Variants in SORCS3 observed in about 807,000 individuals in gnomAD.
SORCS3 encodes sortilin related VPS10 domain containing receptor 3, also known as VPS10 domain-containing receptor SorCS3.
A neutral mutation model predicts 146.3 loss-of-function variants in SORCS3; 57 were observed. That is an observed-to-expected ratio of 0.39 (90% CI 0.31 to 0.49). The LOEUF is 0.49. SORCS3 is among the 20% of genes least tolerant of loss of function. The pLI is 0.92. For synonymous variants in SORCS3, 653 were observed against 618.5 expected (o/e 1.06, Z -0.83); for missense variants, 1,341 against 1,575.5 (o/e 0.85, Z 2.52).
chr10:105,137,187 T>C (rs1445920911), intron 7 of SORCS3, among the ~76,000 whole-genome samples: 1 of 152,154 alleles, frequency 6.6e-6, no homozygotes, highest in Non-Finnish European at 1.5e-5. Flanking sequence ...ATTGATGATC[T>C]CTGGCCAGCA....
intron 22 of SORCS3, among the ~76,000 whole-genome samples, chr10:105,250,723 A>G (rs1228534387): frequency 6.6e-6 from 1 of 152,182 alleles, no homozygotes; most frequent in African/African-American, 2.4e-5. Flanking sequence ...CTTGGGCATT[A>G]GGACTTAATG....
At chr10:104,756,718 A>G (rs528388450) in intron 1 of SORCS3, among the ~76,000 whole-genome samples, 1 of 152,316 alleles carries the variant, frequency 6.6e-6, no homozygotes, top group Non-Finnish European at 1.5e-5. Context: ...CTCAGATGGC[A>G]CCGATCCTCA....
chr10:104,825,724 T>G (rs1306919529), intron 1 of SORCS3, among the ~76,000 whole-genome samples: 2 of 152,198 alleles, frequency 1.3e-5, no homozygotes. Flanking sequence ...TGTGTGGTCA[T>G]TTAGCCCCAC....
At chr10:104,846,661 A>T (rs1679675082) in intron 2 of SORCS3, among the ~76,000 whole-genome samples, 1 of 152,222 alleles carries the variant, frequency 6.6e-6, no homozygotes, top group African/African-American at 2.4e-5. Context: ...CCCTTGTGAC[A>T]TTCTTTCCAG....
At chr10:104,752,080 G>A (rs2016994852) in intron 1 of SORCS3, among the ~76,000 whole-genome samples, 1 of 150,552 alleles carries the variant, frequency 6.6e-6, no homozygotes, top group Non-Finnish European at 1.5e-5. Flanking sequence ...TGTCACCCAG[G>A]CTGGGGTGCA....
At chr10:104,859,669 T>C (rs1267873360) in intron 2 of SORCS3, among the ~76,000 whole-genome samples, 2 of 152,080 alleles carry the variant, frequency 1.3e-5, no homozygotes, top group Non-Finnish European at 2.9e-5. Context: ...AACCTACTCA[T>C]CTCTCAAAGG....
intron 1 of SORCS3, among the ~76,000 whole-genome samples, chr10:104,823,899 G>A (rs1302710375): frequency 3.9e-5 from 6 of 152,182 alleles, no homozygotes; most frequent in African/African-American, 1.4e-4. Context: ...CCTTAAATGG[G>A]GAAGAGGGAG....
chr10:104,643,574 G>T (rs944744443), intron 1 of SORCS3, among the ~76,000 whole-genome samples: 9 of 152,180 alleles, frequency 5.9e-5, no homozygotes, highest in African/African-American at 2.2e-4. Context: ...TGCAGGGCTG[G>T]GTGATTGAAG....
intron 5 of SORCS3, among the ~76,000 whole-genome samples, chr10:105,057,239 G>A (rs2055451417): frequency 6.6e-6 from 1 of 152,112 alleles, no homozygotes; most frequent in Admixed American, 6.6e-5. Flanking sequence ...GCTCCAGCCA[G>A]AAGTACTCAG....
intron 3 of SORCS3, among the ~76,000 whole-genome samples, chr10:104,943,253 C>T (rs1375424818): frequency 1.3e-5 from 2 of 152,126 alleles, no homozygotes; most frequent in Non-Finnish European, 2.9e-5. Flanking sequence ...CCTCAGCCTC[C>T]TGAGTAGCTG....
intron 3 of SORCS3, among the ~76,000 whole-genome samples, chr10:104,928,475 G>A (rs1370796291): frequency 1.3e-5 from 2 of 152,090 alleles, no homozygotes; most frequent in Non-Finnish European, 2.9e-5. Context: ...CTGCCCCTGA[G>A]GTAGAGATAT....
At chr10:105,090,093 T>C (rs2055691892) in intron 6 of SORCS3, among the ~76,000 whole-genome samples, 1 of 152,180 alleles carries the variant, frequency 6.6e-6, no homozygotes. Flanking sequence ...TGTTTGTAAT[T>C]TCTTTGGCAT....
intron 5 of SORCS3, among the ~76,000 whole-genome samples, chr10:105,055,194 A>T (rs1249524455): frequency 6.6e-6 from 1 of 152,196 alleles, no homozygotes. Context: ...TATTGTAAGT[A>T]AAGACATGTT....
At chr10:105,036,616 C>G (rs1232102834) in intron 4 of SORCS3, among the ~76,000 whole-genome samples, 1 of 152,154 alleles carries the variant, frequency 6.6e-6, no homozygotes, top group East Asian at 1.9e-4. Flanking sequence ...CACCAGTTAT[C>G]AAGATCTGTT....
At chr10:105,098,232 A>C (rs1258701092) in intron 6 of SORCS3, among the ~76,000 whole-genome samples, 18 of 152,178 alleles carry the variant, frequency 1.2e-4, no homozygotes, top group Non-Finnish European at 1.5e-5. Flanking sequence ...GTGGGGGCTA[A>C]AGGCAATGGG....
intron 19 of SORCS3, among the ~76,000 whole-genome samples, chr10:105,220,429 T>C (rs897840885): frequency 2.0e-5 from 3 of 152,168 alleles, no homozygotes; most frequent in African/African-American, 7.2e-5. Flanking sequence ...CACTGTCAGC[T>C]TTCACTGAGC....
intron 1 of SORCS3, among the ~76,000 whole-genome samples, chr10:104,647,436 G>A (rs1426845768): frequency 6.6e-6 from 1 of 152,170 alleles, no homozygotes; most frequent in African/African-American, 2.4e-5. Context: ...CTTGTTTATA[G>A]AATTTGCAGA....
At position 104,642,176 on chromosome 10, in the gene SORCS3, C is replaced by A. The variant is rs148104880; in HGVS notation, c.627+222C>A. Among the ~76,000 whole-genome samples the A allele has an allele frequency of 2.2e-4, 33 of 152,158 alleles. No homozygotes were observed. The East Asian group carries it at 4.5e-3, about 21-fold the overall frequency. The stretch of plus-strand genomic sequence containing the variant: ...TTTGTTTACTGGAGACCCTAGGCTT[C>A]GGCCGCCGGGAGGGGAGTGGAGGAA... On this transcript the variant is annotated intron_variant, in intron 1 of 26. Coordinates refer to ENST00000369701, the MANE Select transcript of SORCS3 (RefSeq NM_014978.3).
At chr10:105,098,964 G>T (rs1333697263) in intron 6 of SORCS3, among the ~76,000 whole-genome samples, 1 of 152,224 alleles carries the variant, frequency 6.6e-6, no homozygotes, top group Non-Finnish European at 1.5e-5. Context: ...TCTCCTATGG[G>T]AGATGAGAAG....
Sources: allele counts gnomAD v4.1 joint callset (sites outside exome capture counted in the v4.1 genomes callset), GRCh38; gene constraint gnomAD v4.1.1; transcripts MANE v1.5; gene names NCBI Gene and HGNC (gene_info 2026-07-23, HGNC 2026-07-21).